The following IRAK2 variants were observed in gnomAD, a reference collection of about 807,000 sequenced individuals.
The protein encoded by IRAK2 is interleukin-1 receptor-associated kinase-like 2.
In IRAK2, 57 loss-of-function variants were observed where a neutral mutation model predicts 72.0. The observed-to-expected ratio is 0.79, with a 90% CI of 0.64 to 0.99. The LOEUF (loss-of-function observed/expected upper bound fraction) is 0.99, where lower values mean the gene tolerates loss of function less well. IRAK2 is among the 50% of genes least tolerant of loss of function. IRAK2 has a pLI of 0.00. For synonymous variants in IRAK2, 293 were observed against 312.7 expected, an observed-to-expected ratio of 0.94 and a Z score of 0.67; for missense variants, 790 against 794.4, an observed-to-expected ratio of 0.99 and a Z score of 0.07.
chr3:10,192,076 GA>G (rs1697184876), intron 2 of IRAK2, among the ~76,000 whole-genome samples: 1 of 150,798 alleles, frequency 6.6e-6, no homozygotes, highest in Admixed American at 6.6e-5. Context: ...TGTTGTGTGT[GA>G]CTGTGTATGG....
At chr3:10,181,832 A>G (rs1408972837) in intron 2 of IRAK2, among the ~76,000 whole-genome samples, 1 of 152,164 alleles carries the variant, frequency 6.6e-6, no homozygotes, top group Non-Finnish European at 1.5e-5. Flanking sequence ...AGTTATCTCA[A>G]AACAGTTATG....
chr3:10,180,147 TG>T (rs1696938663), intron 2 of IRAK2, among the ~76,000 whole-genome samples: 1 of 152,162 alleles, frequency 6.6e-6, no homozygotes, highest in African/African-American at 2.4e-5. Flanking sequence ...GATGTTCAGC[TG>T]GTGCTCAGCA....
intron 7 of IRAK2, 152 bp downstream of exon 7, chr3:10,217,200 A>G (rs1697618290): frequency 3.2e-6 from 2 of 622,072 alleles, no homozygotes; most frequent in Admixed American, 5.4e-5. Flanking sequence ...AGGATACATA[A>G]GATCTGGTTA....
chr3:10,201,696 G>A (rs1157692123), intron 3 of IRAK2, among the ~76,000 whole-genome samples: 1 of 152,170 alleles, frequency 6.6e-6, no homozygotes, highest in Admixed American at 6.5e-5. Context: ...CTCCCTAGGG[G>A]AGCTGCTGCT....
intron 10 of IRAK2, among the ~76,000 whole-genome samples, chr3:10,231,822 T>C (rs1406676085): frequency 1.3e-5 from 2 of 152,072 alleles, no homozygotes; most frequent in African/African-American, 4.8e-5. Context: ...GGCATGGTTA[T>C]GTTTCTTAAG....
intron 4 of IRAK2, among the ~76,000 whole-genome samples, chr3:10,211,025 A>AT (rs1213027406): frequency 2.7e-5 from 4 of 150,790 alleles, no homozygotes; most frequent in African/African-American, 9.8e-5. Flanking sequence ...TGTTTGGCTA[A>AT]TTTTTTTTTG....
Position 10,187,239 on chromosome 3 carries a change from G to A in IRAK2, c.277+9219G>A, listed in dbSNP as rs79063143. On this transcript the variant is annotated intron_variant, in intron 2 of 12. Coordinates refer to ENST00000256458, the MANE Select transcript of IRAK2 (RefSeq NM_001570.4). ...CCATAAGCTATAGGCAATGTCTCCC[G>A]ATGCCCCATTTTGTAAAATGAAGCC... Among the ~76,000 whole-genome samples, 717 of 147,684 alleles carry A rather than the reference G, an allele frequency of 4.9e-3. 24 individuals are homozygous for A. The South Asian group carries it at 0.084, about 17-fold the overall frequency.
In IRAK2 at chr3:10,238,867, C is replaced by T. The variant is rs200043063; in HGVS notation, c.1593C>T (p.Asp531=). The change falls in exon 12 of 13, where the codon GAC becomes GAT. Residue 531 remains aspartate (D), a synonymous_variant. Transcript: ENST00000256458. ...CCAACACCCCAGAGGAAACAGACGA[C>T]GTTGACAATTCCAGCCTTGATGCCT... ...SSSNTPEETD[D]VDNSSLDASS... is the part of the protein sequence containing the mutation. The T allele has an allele frequency of 2.3e-5, 37 of 1,614,130 alleles. No homozygotes were observed. The Middle Eastern group carries it at 4.9e-4, about 22-fold the overall frequency.
At position 10,234,591 on chromosome 3, in the gene IRAK2, G is replaced by T. The variant is rs56242986; in HGVS notation, c.1405G>T (p.Asp469Tyr). The change falls in exon 11 of 13, where the codon GAC becomes TAC. Residue 469 changes from aspartate (D) to tyrosine (Y), a missense_variant. Coordinates refer to ENST00000256458, the MANE Select transcript of IRAK2 (RefSeq NM_001570.4). ...GAAGGGCGCAGGGAGGCTTCCGGAG[G>T]ACTGCGCCGAGGCCCTGGCCACGGC... ...LEKGAGRLPE[D>Y]CAEALATAAC... The T allele has an allele frequency of 6.2e-7, 1 of 1,613,414 alleles. No homozygotes were observed. The highest frequency in any genetic ancestry group is 1.1e-5 in the South Asian group (1 of 91,088).
At chr3:10,236,252 C>T (rs1349087371) in intron 11 of IRAK2, among the ~76,000 whole-genome samples, 1 of 150,422 alleles carries the variant, frequency 6.6e-6, no homozygotes, top group African/African-American at 2.5e-5. Context: ...ACATGGGGCA[C>T]AGTGGCTTGT....
intron 7 of IRAK2, among the ~76,000 whole-genome samples, chr3:10,217,425 C>T (rs1056285142): frequency 6.6e-6 from 1 of 152,140 alleles, no homozygotes; most frequent in Non-Finnish European, 1.5e-5. Context: ...GAACTAACTT[C>T]GTTCGTCATG....
chr3:10,233,656 C>A (rs971553606), intron 10 of IRAK2, among the ~76,000 whole-genome samples: 1 of 152,010 alleles, frequency 6.6e-6, no homozygotes, highest in African/African-American at 2.4e-5. Flanking sequence ...ATGTTTGTAT[C>A]ATAAGAGATT....
At chr3:10,176,368 G>A (rs1212546483) in intron 1 of IRAK2, among the ~76,000 whole-genome samples, 2 of 150,440 alleles carry the variant, frequency 1.3e-5, no homozygotes, top group African/African-American at 2.5e-5. Flanking sequence ...TGACATCATC[G>A]TGGCTTGCTG....
intron 2 of IRAK2, among the ~76,000 whole-genome samples, chr3:10,195,150 C>T (rs529455790): frequency 1.3e-5 from 2 of 152,308 alleles, no homozygotes; most frequent in East Asian, 3.9e-4. Flanking sequence ...TTTATCTTCC[C>T]CACGGGTGGA....
intron 2 of IRAK2, among the ~76,000 whole-genome samples, chr3:10,191,272 G>T (rs1355648018): frequency 6.7e-6 from 1 of 148,964 alleles, no homozygotes; most frequent in East Asian, 1.9e-4. Flanking sequence ...TCCAGCCTGG[G>T]CAACAGAGCG....
At chr3:10,227,154 A>G (rs538015139) in intron 10 of IRAK2, among the ~76,000 whole-genome samples, 2 of 152,268 alleles carry the variant, frequency 1.3e-5, no homozygotes, top group South Asian at 2.1e-4. Flanking sequence ...TTTAAAAAAT[A>G]TAACAACCTG....
chr3:10,213,066 CCT>C, intron 4 of IRAK2, 139 bp from the exon 5 acceptor site: 2 of 719,054 alleles, frequency 2.8e-6, no homozygotes, highest in Non-Finnish European at 4.5e-6. Flanking sequence ...CCGTGCCCGG[CCT>C]ATCCATGTCC....
intron 2 of IRAK2, among the ~76,000 whole-genome samples, chr3:10,183,049 G>T (rs1401415475): frequency 6.6e-6 from 1 of 152,192 alleles, no homozygotes; most frequent in African/African-American, 2.4e-5. Flanking sequence ...CAGGATTACA[G>T]CCGTGAGCCA....
intron 9 of IRAK2, among the ~76,000 whole-genome samples, chr3:10,223,087 C>T (rs1697721621): frequency 6.6e-6 from 1 of 152,166 alleles, no homozygotes; most frequent in African/African-American, 2.4e-5. Flanking sequence ...TGAACATGCT[C>T]CCCAAAAGCT....
Sources: allele counts gnomAD v4.1 joint callset (sites outside exome capture counted in the v4.1 genomes callset), GRCh38; gene constraint gnomAD v4.1.1; transcripts MANE v1.5; gene names NCBI Gene and HGNC (gene_info 2026-07-23, HGNC 2026-07-21).